MIA2: variants seen among roughly 807,000 people sequenced by gnomAD.
MIA2 encodes the protein melanoma inhibitory activity protein 2.
In MIA2, 127 loss-of-function variants were observed where a neutral mutation model predicts 167.8. The observed-to-expected ratio is 0.76, with a 90% CI of 0.66 to 0.88. The LOEUF is 0.88. MIA2 is among the 40% of genes least tolerant of loss of function. MIA2 has a pLI of 0.00. For synonymous variants in MIA2, 552 were observed against 541.9 expected (o/e 1.02, Z -0.26); for missense variants, 1,690 against 1,624.7 (o/e 1.04, Z -0.69).
chr14:39,379,714 T>C (rs930050106), intron 23 of MIA2, among the ~76,000 whole-genome samples: 1 of 151,976 alleles, frequency 6.6e-6, no homozygotes, highest in Non-Finnish European at 1.5e-5. Context: ...TAGCCAAGCA[T>C]GGTGGTGCGC....
intron 25 of MIA2, among the ~76,000 whole-genome samples, chr14:39,333,690 T>C (rs1211912448): frequency 6.6e-6 from 1 of 152,184 alleles, no homozygotes; most frequent in African/African-American, 2.4e-5. Flanking sequence ...CTCTCTTCTT[T>C]TCTAAGTCCT....
chr14:39,345,838 G>A (rs1420725650), intron 25 of MIA2, 66 bp from the exon 26 acceptor site: 9 of 1,409,406 alleles, frequency 6.4e-6, no homozygotes, highest in East Asian at 2.4e-5. Flanking sequence ...AGTTCAATAC[G>A]TTAAACTTAA....
intron 1 of MIA2, 106 bp downstream of exon 1, chr14:39,234,335 G>A: frequency 1.6e-6 from 1 of 606,978 alleles, no homozygotes; most frequent in Non-Finnish European, 2.8e-6. Flanking sequence ...ATACCATTGA[G>A]AAATATTTGG....
At chr14:39,360,891 A>G (rs2074668411) in intron 23 of MIA2, among the ~76,000 whole-genome samples, 1 of 151,966 alleles carries the variant, frequency 6.6e-6, no homozygotes. Context: ...AGTTTTCCCA[A>G]CTCGATTTAT....
chr14:39,294,290 T>C (rs955888361), intron 12 of MIA2, among the ~76,000 whole-genome samples: 1 of 152,040 alleles, frequency 6.6e-6, no homozygotes, highest in Non-Finnish European at 1.5e-5. Flanking sequence ...CTCCACCTCC[T>C]GGGTTCAAGC....
intron 3 of MIA2, among the ~76,000 whole-genome samples, chr14:39,243,684 G>A (rs774279169): frequency 1.8e-4 from 27 of 152,226 alleles, no homozygotes; most frequent in Non-Finnish European, 2.6e-4. Flanking sequence ...TGACCAATAC[G>A]GTGAAACCAC....
chr14:39,359,686 C>T (rs2074629438), intron 23 of MIA2, among the ~76,000 whole-genome samples: 1 of 152,220 alleles, frequency 6.6e-6, no homozygotes, highest in Non-Finnish European at 1.5e-5. Context: ...ATTTGGCTAT[C>T]TTGCCCCAGC....
intron 23 of MIA2, among the ~76,000 whole-genome samples, chr14:39,368,680 C>A (rs1482436173): frequency 1.9e-5 from 2 of 102,568 alleles, no homozygotes; most frequent in Non-Finnish European, 2.2e-5. Flanking sequence ...TTTTTCTTTT[C>A]TTTTTTTTGT....
rs2053628439 is a variant in MIA2, at chr14:39,234,164, C to G, written c.50C>G (p.Thr17Arg). 1 of 1,610,144 alleles carries G rather than the reference C, an allele frequency of 6.2e-7. No homozygotes were observed. The highest frequency in any genetic ancestry group is 1.3e-5 in the African/African-American group (1 of 74,660). The change falls in exon 1 of 29, where the codon ACA becomes AGA. Residue 17 changes from threonine to arginine, a missense_variant. Physicochemically the swap from Thr to Arg is moderately conservative, Grantham distance 71 (BLOSUM62 -1). Transcript: ENST00000640607. The stretch of plus-strand genomic sequence containing the variant: ...ATCCTTCTTCTGGCTATTTCTCTGA[C>G]AAAGTGTCTGGAGAGTACAAAACTG... ...HRILLLAISL[T>R]KCLESTKLLA... is the part of the protein sequence containing the mutation.
intron 3 of MIA2, among the ~76,000 whole-genome samples, chr14:39,242,788 G>T (rs918453464): frequency 6.6e-6 from 1 of 151,974 alleles, no homozygotes; most frequent in Non-Finnish European, 1.5e-5. Context: ...AAGTTTGCTG[G>T]GTAGTACTCT....
chr14:39,380,452 T>C lies in MIA2; in HGVS notation c.2249-6433T>C, dbSNP rs528426850. ...GCTCACACCTGTAATCCCAGCACTT[T>C]GGGAGGCCAAGGAGGGCAGATCACG... On this transcript the variant is annotated intron_variant, in intron 23 of 23. Transcript: ENST00000341502. Among the ~76,000 whole-genome samples, 6 of 152,234 alleles carry C rather than the reference T, an allele frequency of 3.9e-5. No individual in the cohort carries two copies. The South Asian group carries it at 1.0e-3, about 26-fold the overall frequency.
intron 13 of MIA2, among the ~76,000 whole-genome samples, chr14:39,296,600 CTTTTCTT>C (rs1042321464): frequency 1.1e-4 from 6 of 53,512 alleles, no homozygotes; most frequent in African/African-American, 1.9e-4. Context: ...GTTTTCTTTT[CTTTTCTT>C]TTTTTTTTTT....
At chr14:39,340,941 T>C (rs899788043) in intron 25 of MIA2, among the ~76,000 whole-genome samples, 3 of 152,172 alleles carry the variant, frequency 2.0e-5, no homozygotes, top group Non-Finnish European at 4.4e-5. Context: ...AAACAACTTT[T>C]TGAAAAATTT....
chr14:39,255,323 C>T (rs1432290320), intron 6 of MIA2, among the ~76,000 whole-genome samples: 1 of 152,168 alleles, frequency 6.6e-6, no homozygotes, highest in Non-Finnish European at 1.5e-5. Context: ...ACCTGGCCAA[C>T]ATGGTGAAAC....
At chr14:39,318,488 T>C (rs931388112) in intron 22 of MIA2, among the ~76,000 whole-genome samples, 4 of 152,156 alleles carry the variant, frequency 2.6e-5, no homozygotes, top group Admixed American at 2.6e-4. Context: ...GAAGAATAAG[T>C]GCTTTTCTGT....
chr14:39,359,175 C>T (rs190319304), intron 23 of MIA2, among the ~76,000 whole-genome samples: 1 of 152,192 alleles, frequency 6.6e-6, no homozygotes, highest in Non-Finnish European at 1.5e-5. Flanking sequence ...GCAGGCAGGC[C>T]TCCTTGAGCT....
At chr14:39,270,111 C>G (rs2056856773) in intron 6 of MIA2, among the ~76,000 whole-genome samples, 1 of 151,976 alleles carries the variant, frequency 6.6e-6, no homozygotes, top group South Asian at 2.1e-4. Flanking sequence ...TTTCTGCATT[C>G]TCTCCAACGC....
chr14:39,340,399 C>A (rs1281982593), intron 25 of MIA2, among the ~76,000 whole-genome samples: 1 of 152,136 alleles, frequency 6.6e-6, no homozygotes, highest in African/African-American at 2.4e-5. Context: ...TAGTGTACAG[C>A]TAAATTGATG....
intron 24 of MIA2, among the ~76,000 whole-genome samples, chr14:39,325,716 T>C (rs901244202): frequency 6.7e-6 from 1 of 150,288 alleles, no homozygotes; most frequent in African/African-American, 2.5e-5. Flanking sequence ...ATGGGTTTTG[T>C]TTTTTGTTTT....
Sources: gnomAD v4.1 joint callset for allele counts (sites outside exome capture counted in the v4.1 genomes callset) on GRCh38, gnomAD v4.1.1 for gene constraint, MANE v1.5 for transcripts, NCBI Gene and HGNC (gene_info 2026-07-23, HGNC 2026-07-21) for gene names.